The following PCDHA5 variants were observed in gnomAD, a reference collection of about 807,000 sequenced individuals.
PCDHA5 encodes protocadherin alpha 5, also known as protocadherin alpha-5.
In PCDHA5, 43 loss-of-function variants were observed where a neutral mutation model predicts 61.6. That is an observed-to-expected ratio of 0.70 (90% CI 0.55 to 0.90). The LOEUF (loss-of-function observed/expected upper bound fraction) is 0.90. Ranked by LOEUF, PCDHA5 falls within the 40% of genes least tolerant of loss-of-function variation. The pLI, the probability that PCDHA5 is intolerant of heterozygous loss-of-function variation, is 0.00. For synonymous variants in PCDHA5, 627 were observed against 543.9 expected, an observed-to-expected ratio of 1.15 and a Z score of -2.13; for missense variants, 1,298 against 1,222.7, an observed-to-expected ratio of 1.06 and a Z score of -0.92.
intron 1 of PCDHA5, chr5:140,875,641 G>A (rs782380583): frequency 6.2e-7 from 1 of 1,613,690 alleles, no homozygotes; most frequent in South Asian, 1.1e-5. Flanking sequence ...GCTGGAGCTG[G>A]CGGAGCTGGT....
intron 1 of PCDHA5, among the ~76,000 whole-genome samples, chr5:140,933,268 T>A (rs2088999959): frequency 6.6e-6 from 1 of 151,986 alleles, no homozygotes; most frequent in Non-Finnish European, 1.5e-5. Context: ...TTATTATATA[T>A]TCATTTGGAA....
intron 3 of PCDHA5, among the ~76,000 whole-genome samples, chr5:140,997,109 G>A (rs1293025484): frequency 1.3e-5 from 2 of 152,022 alleles, no homozygotes; most frequent in Non-Finnish European, 2.9e-5. Flanking sequence ...ATGCACTCCT[G>A]CTCTCCCACA....
intron 1 of PCDHA5, chr5:140,926,803 C>T (rs2083562434): frequency 6.9e-7 from 1 of 1,454,300 alleles, no homozygotes; most frequent in Non-Finnish European, 9.0e-7. Flanking sequence ...GTGCTCTTCC[C>T]CGCGGCTCGT....
intron 1 of PCDHA5, among the ~76,000 whole-genome samples, chr5:140,880,638 T>C (rs1239160653): frequency 6.6e-6 from 1 of 152,134 alleles, no homozygotes; most frequent in Non-Finnish European, 1.5e-5. Flanking sequence ...ATCAATTCAC[T>C]TGAGAGCCCA....
intron 1 of PCDHA5, among the ~76,000 whole-genome samples, chr5:140,949,674 C>G (rs2153687219): frequency 6.6e-6 from 1 of 151,738 alleles, no homozygotes; most frequent in South Asian, 2.1e-4. Context: ...AAAGTATGCC[C>G]TTGTTGAAGC....
chr5:140,887,885 A>G (rs1281444456), intron 1 of PCDHA5, among the ~76,000 whole-genome samples: 1 of 152,144 alleles, frequency 6.6e-6, no homozygotes, highest in Non-Finnish European at 1.5e-5. Context: ...TTGTAGTATC[A>G]TATCTGTTAA....
chr5:140,839,771 G>C (rs1190836066), intron 1 of PCDHA5, among the ~76,000 whole-genome samples: 1 of 151,892 alleles, frequency 6.6e-6, no homozygotes, highest in Non-Finnish European at 1.5e-5. Context: ...TACGTTTTTG[G>C]TAAGAATTTT....
At chr5:140,855,877 C>CT in intron 1 of PCDHA5, 1 of 897,114 alleles carries the variant, frequency 1.1e-6, no homozygotes, top group African/African-American at 1.7e-5. Flanking sequence ...CACAAAATAG[C>CT]TTTTTAGAAC....
intron 1 of PCDHA5, among the ~76,000 whole-genome samples, chr5:140,960,579 C>G (rs2095556928): frequency 6.6e-6 from 1 of 152,052 alleles, no homozygotes; most frequent in South Asian, 2.1e-4. Context: ...AGTTGGAAAA[C>G]AGTTCAAATT....
chr5:140,954,383 T>C (rs1333017700), intron 1 of PCDHA5, among the ~76,000 whole-genome samples: 6 of 152,208 alleles, frequency 3.9e-5, no homozygotes, highest in African/African-American at 1.4e-4. Context: ...ATGAGTGAAC[T>C]AATTTACAAC....
intron 1 of PCDHA5, among the ~76,000 whole-genome samples, chr5:140,891,998 A>C (rs1336951985): frequency 2.6e-5 from 4 of 152,200 alleles, no homozygotes; most frequent in Non-Finnish European, 5.9e-5. Flanking sequence ...AGTCTGTGGC[A>C]TTCTGTTATA....
chr5:140,822,148 A>G lies in PCDHA5; in HGVS notation c.373A>G (p.Ile125Val), dbSNP rs2150114067. 4 of 1,614,274 alleles carry G rather than the reference A, an allele frequency of 2.5e-6. No homozygotes were observed. Among genetic ancestry groups the G allele is most frequent in the East Asian group, 2.2e-5 (1 of 44,894 alleles). The change falls in exon 1 of 4, where the codon ATC (isoleucine) becomes GTC (valine). Residue 125 changes from isoleucine to valine, a missense_variant. Coordinates refer to ENST00000529859, the MANE Select transcript of PCDHA5 (RefSeq NM_018908.3). The stretch of plus-strand genomic sequence containing the variant: ...CCATGTGGAGGTGGCAGTGAAGGAC[A>G]TCAATGACAATCCGCCCAGGTTCTC... ...VFHVEVAVKD[I>V]NDNPPRFSRQ...
intron 3 of PCDHA5, among the ~76,000 whole-genome samples, chr5:141,001,535 G>A (rs2098024806): frequency 6.6e-6 from 1 of 152,182 alleles, no homozygotes; most frequent in South Asian, 2.1e-4. Flanking sequence ...TCTGATCCTG[G>A]ACAGGATTTG....
intron 1 of PCDHA5, chr5:140,876,833 C>T: frequency 3.1e-6 from 5 of 1,614,176 alleles, no homozygotes; most frequent in Non-Finnish European, 4.2e-6. Context: ...AATGCGCCTG[C>T]GTTCGCGCAG....
At chr5:140,863,232 G>C in intron 1 of PCDHA5, 1 of 1,230,740 alleles carries the variant, frequency 8.1e-7, no homozygotes, top group Non-Finnish European at 1.1e-6. Context: ...AGGTCCCATC[G>C]CGGGCTTTGG....
At chr5:140,935,633 C>T (rs1316098876) in intron 1 of PCDHA5, among the ~76,000 whole-genome samples, 4 of 152,046 alleles carry the variant, frequency 2.6e-5, no homozygotes, top group African/African-American at 7.2e-5. Context: ...AAATTTAGGG[C>T]TTGCTTTTTA....
intron 1 of PCDHA5, chr5:140,852,586 T>TA (rs1469930347): frequency 1.0e-5 from 9 of 878,452 alleles, no homozygotes; most frequent in Non-Finnish European, 1.1e-5. Flanking sequence ...TTTTTTATTT[T>TA]TTTTTTTTGT....
intron 1 of PCDHA5, chr5:140,966,660 A>G: frequency 8.2e-7 from 1 of 1,217,300 alleles, no homozygotes; most frequent in Non-Finnish European, 1.1e-6. Context: ...GCGGTGGGGG[A>G]GCAGGCGCAG....
intron 3 of PCDHA5, among the ~76,000 whole-genome samples, chr5:141,007,284 C>T (rs2098312696): frequency 6.6e-6 from 1 of 151,430 alleles, no homozygotes; most frequent in Admixed American, 6.6e-5. Context: ...GTGCAGTGGG[C>T]TCATGCCTGT....
Sources: allele counts gnomAD v4.1 joint callset (sites outside exome capture counted in the v4.1 genomes callset), GRCh38; gene constraint gnomAD v4.1.1; transcripts MANE v1.5; gene names NCBI Gene and HGNC (gene_info 2026-07-23, HGNC 2026-07-21).